The following NELL1 variants were observed in gnomAD, a reference collection of about 807,000 sequenced individuals.
The protein encoded by NELL1 is neural EGFL like 1, also known as protein kinase C-binding protein NELL1.
In NELL1, 76 loss-of-function variants were observed where a neutral mutation model predicts 107.4. The ratio of observed to expected loss-of-function variants is 0.71; its 90% CI spans 0.59 to 0.86. The LOEUF is 0.86. NELL1 is among the 40% of genes least tolerant of loss of function. The pLI is 0.00. For missense variants in NELL1, 1,024 were observed against 1,005.5 expected, an observed-to-expected ratio of 1.02 and a Z score of -0.25; for synonymous variants, 353 against 341.2, an observed-to-expected ratio of 1.03 and a Z score of -0.38.
chr11:21,105,856 TCC>T (rs1427329533), intron 12 of NELL1, among the ~76,000 whole-genome samples: 2,721 of 11,506 alleles, frequency 0.24, 435 homozygotes, highest in African/African-American at 0.44. Flanking sequence ...CTTCCCTCTC[TCC>T]CCTCCCCCTC....
intron 5 of NELL1, among the ~76,000 whole-genome samples, chr11:20,895,221 G>C (rs1424131752): frequency 9.3e-6 from 1 of 107,684 alleles, no homozygotes; most frequent in East Asian, 3.0e-4. Context: ...GCAGTGAGCC[G>C]AGATCCCGCC....
At chr11:21,484,975 T>A (rs892878126) in intron 15 of NELL1, among the ~76,000 whole-genome samples, 8 of 151,838 alleles carry the variant, frequency 5.3e-5, no homozygotes, top group African/African-American at 1.9e-4. Context: ...GAGAGGGAAA[T>A]AGGCAGGCTG....
intron 2 of NELL1, among the ~76,000 whole-genome samples, chr11:20,707,598 C>G (rs1004061171): frequency 6.6e-6 from 1 of 152,180 alleles, no homozygotes; most frequent in Non-Finnish European, 1.5e-5. Flanking sequence ...AGTCAGGACC[C>G]TCAGCTGCAG....
intron 13 of NELL1, among the ~76,000 whole-genome samples, chr11:21,223,802 T>C (rs1857822745): frequency 6.6e-6 from 1 of 152,228 alleles, no homozygotes; most frequent in Non-Finnish European, 1.5e-5. Context: ...TATATTGCCC[T>C]ACACTTCCTG....
chr11:21,460,362 C>T (rs1159104367), intron 15 of NELL1, among the ~76,000 whole-genome samples: 1 of 152,032 alleles, frequency 6.6e-6, no homozygotes, highest in Middle Eastern at 3.2e-3. Context: ...AGTCTGAGAA[C>T]CCTAGCAATG....
At chr11:21,429,967 G>A (rs1852926445) in intron 15 of NELL1, among the ~76,000 whole-genome samples, 1 of 152,176 alleles carries the variant, frequency 6.6e-6, no homozygotes. Flanking sequence ...TTAGAGGGTT[G>A]TGGTGAAGAT....
At chr11:21,369,250 A>G (rs553763706) in intron 14 of NELL1, among the ~76,000 whole-genome samples, 1 of 152,144 alleles carries the variant, frequency 6.6e-6, no homozygotes, top group African/African-American at 2.4e-5. Flanking sequence ...TTGAAATGTC[A>G]GTCACCACAG....
chr11:20,676,073 C>T (rs780570323), intron 1 of NELL1, among the ~76,000 whole-genome samples: 9 of 152,098 alleles, frequency 5.9e-5, no homozygotes, highest in East Asian at 1.9e-4. Context: ...CTTCTCTACC[C>T]CTGGCCCATT....
rs182685893 is a variant in NELL1 at position 20,889,987 on chromosome 11, C to T, written c.603+4447C>T. 1.9e-4 allele frequency among the ~76,000 whole-genome samples: 29 copies of T among 152,278 alleles called. No individual in the cohort carries two copies. The East Asian group carries it at 2.7e-3, about 14-fold the overall frequency. ...AGGTTTCCCCCCAGCAAAGCACACC[C>T]GCTCCACCAATGGCCAAAATGCCTC... On this transcript the variant is annotated intron_variant, in intron 5 of 19. Coordinates refer to ENST00000357134, the MANE Select transcript of NELL1 (RefSeq NM_006157.5).
At chr11:20,714,769 C>T (rs1481089574) in intron 2 of NELL1, among the ~76,000 whole-genome samples, 3 of 151,800 alleles carry the variant, frequency 2.0e-5, no homozygotes, top group East Asian at 3.9e-4. Flanking sequence ...AATTAAATAC[C>T]TAGCAATTTC....
intron 12 of NELL1, among the ~76,000 whole-genome samples, chr11:21,113,336 G>A (rs185233531): frequency 2.0e-5 from 3 of 152,096 alleles, no homozygotes; most frequent in East Asian, 3.9e-4. Context: ...ACTAATAGTT[G>A]TAAATTCATT....
At chr11:21,463,723 G>T (rs908903101) in intron 15 of NELL1, among the ~76,000 whole-genome samples, 2 of 152,054 alleles carry the variant, frequency 1.3e-5, no homozygotes, top group Non-Finnish European at 2.9e-5. Context: ...ACTACTTAGT[G>T]GCATAAGACA....
At chr11:21,213,693 A>G (rs894209573) in intron 13 of NELL1, among the ~76,000 whole-genome samples, 5 of 152,292 alleles carry the variant, frequency 3.3e-5, no homozygotes, top group Non-Finnish European at 7.4e-5. Flanking sequence ...ACAAATACAA[A>G]TATAACAAAT....
chr11:21,232,179 A>ATATATATATATATAGATATAT (rs1565122814), intron 14 of NELL1, among the ~76,000 whole-genome samples: 1 of 111,554 alleles, frequency 9.0e-6, no homozygotes, highest in Non-Finnish European at 1.8e-5. Context: ...TATATATATA[A>ATATATATATATATAGATATAT]ATTAGCTGGG....
intron 15 of NELL1, among the ~76,000 whole-genome samples, chr11:21,424,947 A>C (rs573286446): frequency 6.6e-6 from 1 of 152,350 alleles, no homozygotes; most frequent in South Asian, 2.1e-4. Context: ...TGAGGCCAGG[A>C]GTACTTTGAT....
At chr11:21,139,154 G>A (rs1246209512) in intron 13 of NELL1, among the ~76,000 whole-genome samples, 1 of 152,196 alleles carries the variant, frequency 6.6e-6, no homozygotes, top group Non-Finnish European at 1.5e-5. Flanking sequence ...CCATCTTAAA[G>A]TAGGGAAGAG....
At chr11:21,506,961 G>T (rs543636330) in intron 15 of NELL1, among the ~76,000 whole-genome samples, 2 of 152,180 alleles carry the variant, frequency 1.3e-5, no homozygotes, top group South Asian at 4.1e-4. Flanking sequence ...ATCATATATT[G>T]GATGCATATT....
intron 12 of NELL1, among the ~76,000 whole-genome samples, chr11:21,041,712 T>G (rs1415233090): frequency 6.6e-6 from 1 of 152,234 alleles, no homozygotes; most frequent in South Asian, 2.1e-4. Context: ...GATTTAGTTA[T>G]GTTTATTCTA....
intron 15 of NELL1, among the ~76,000 whole-genome samples, chr11:21,390,907 A>C (rs1466184197): frequency 1.3e-5 from 2 of 151,328 alleles, no homozygotes; most frequent in African/African-American, 4.9e-5. Context: ...CTACAACACA[A>C]CTGTTTCCAT....
Sources: allele counts gnomAD v4.1 joint callset (sites outside exome capture counted in the v4.1 genomes callset), GRCh38; gene constraint gnomAD v4.1.1; transcripts MANE v1.5; gene names NCBI Gene and HGNC (gene_info 2026-07-23, HGNC 2026-07-21).